The following ANKS1B variants were observed in gnomAD, a reference collection of about 807,000 sequenced individuals.
ANKS1B encodes ankyrin repeat and sterile alpha motif domain containing 1B.
A neutral mutation model predicts 148.3 loss-of-function variants in ANKS1B; 36 were observed. The ratio of observed to expected loss-of-function variants is 0.24; its 90% CI spans 0.19 to 0.32. ANKS1B has a LOEUF of 0.32. Among genes scored for constraint, ANKS1B ranks in the 10% least tolerant of loss-of-function variants. The pLI, the probability that ANKS1B is intolerant of heterozygous loss-of-function variation, is 1.00. For missense variants in ANKS1B, 1,157 were observed against 1,542.6 expected (o/e 0.75, Z 4.19); for synonymous variants, 542 against 560.8 (o/e 0.97, Z 0.47).
chr12:99,050,874 A>G (rs1191605817), intron 17 of ANKS1B, among the ~76,000 whole-genome samples: 1 of 140,026 alleles, frequency 7.1e-6, no homozygotes, highest in Admixed American at 7.0e-5. Context: ...TTTTTTTTGT[A>G]TTTTTCATAG....
At chr12:99,697,028 C>T (rs2054036902) in intron 8 of ANKS1B, among the ~76,000 whole-genome samples, 4 of 152,154 alleles carry the variant, frequency 2.6e-5, no homozygotes, top group Admixed American at 2.6e-4. Flanking sequence ...ACAACAATGA[C>T]ATACCACTAC....
chr12:99,021,946 A>G (rs908348287), intron 17 of ANKS1B, among the ~76,000 whole-genome samples: 10 of 152,112 alleles, frequency 6.6e-5, no homozygotes, highest in Non-Finnish European at 1.3e-4. Context: ...TTATCATTTG[A>G]GTTTTCTCTT....
chr12:99,045,363 C>T (rs1296852336), intron 17 of ANKS1B, among the ~76,000 whole-genome samples: 4 of 152,168 alleles, frequency 2.6e-5, no homozygotes, highest in Admixed American at 6.5e-5. Flanking sequence ...CTTCTTCCCT[C>T]ACAGCCAGCT....
chr12:99,382,052 C>T (rs1354500794), intron 12 of ANKS1B, among the ~76,000 whole-genome samples: 1 of 152,102 alleles, frequency 6.6e-6, no homozygotes, highest in African/African-American at 2.4e-5. Context: ...AAATTATAGG[C>T]AGAATAATGT....
At chr12:99,838,635 A>G (rs1201487106) in intron 1 of ANKS1B, among the ~76,000 whole-genome samples, 3 of 152,154 alleles carry the variant, frequency 2.0e-5, no homozygotes, top group East Asian at 3.8e-4. Context: ...TGTTTACTAA[A>G]TCATTCTATC....
intron 17 of ANKS1B, among the ~76,000 whole-genome samples, chr12:98,911,672 T>G (rs2099787049): frequency 6.6e-6 from 1 of 152,100 alleles, no homozygotes; most frequent in African/African-American, 2.4e-5. Flanking sequence ...ACAGGCAAGG[T>G]CACAAGTCTG....
At chr12:99,160,974 T>A (rs1040347068) in intron 14 of ANKS1B, among the ~76,000 whole-genome samples, 1 of 152,236 alleles carries the variant, frequency 6.6e-6, no homozygotes, top group East Asian at 1.9e-4. Context: ...GGGAATGCGA[T>A]GCCTCTGGCT....
intron 1 of ANKS1B, among the ~76,000 whole-genome samples, chr12:99,942,789 C>T (rs1042767197): frequency 4.6e-5 from 7 of 152,010 alleles, no homozygotes; most frequent in Admixed American, 1.3e-4. Context: ...TATGTCTAAG[C>T]TTCCAGAGGA....
intron 11 of ANKS1B, among the ~76,000 whole-genome samples, chr12:99,410,169 T>G (rs2094645141): frequency 6.6e-6 from 1 of 152,182 alleles, no homozygotes; most frequent in Non-Finnish European, 1.5e-5. Context: ...ACATGAAAAT[T>G]GTATGAAACT....
chr12:98,755,616 G>A (rs61933561), intron 25 of ANKS1B, among the ~76,000 whole-genome samples: 4,436 of 152,320 alleles, frequency 0.029, 119 homozygotes, highest in African/African-American at 0.071. Context: ...TGTGAGAGAT[G>A]TGCCAAGCAT....
intron 2 of ANKS1B, among the ~76,000 whole-genome samples, 200 bp from the exon 3 acceptor site, chr12:99,812,511 CCACACACACACACACACACA>C (rs10539640): frequency 7.1e-5 from 9 of 126,092 alleles, no homozygotes; most frequent in East Asian, 4.8e-4. Flanking sequence ...TCACCCCATG[CCACACACACACACACACACA>C]CACACACACA....
intron 25 of ANKS1B, among the ~76,000 whole-genome samples, chr12:98,771,640 A>AT (rs1420839456): frequency 6.6e-6 from 1 of 151,822 alleles, no homozygotes; most frequent in Non-Finnish European, 1.5e-5. Context: ...CACCCAGCTA[A>AT]TTTTTGTTTG....
chr12:99,490,963 C>T (rs116132164), intron 10 of ANKS1B, among the ~76,000 whole-genome samples: 5,605 of 152,188 alleles, frequency 0.037, 145 homozygotes, highest in South Asian at 0.084. Flanking sequence ...AAACTATTTC[C>T]CAATTAATGT....
chr12:99,376,768 C>A (rs918037646), intron 12 of ANKS1B, among the ~76,000 whole-genome samples: 1 of 152,002 alleles, frequency 6.6e-6, no homozygotes, highest in Non-Finnish European at 1.5e-5. Context: ...TGATGACAGT[C>A]TCATCTCACC....
chr12:99,812,354 A>T, intron 2 of ANKS1B, 43 bp from the exon 3 acceptor site: 1 of 1,586,042 alleles, frequency 6.3e-7, no homozygotes. Context: ...GCTGAGCAAG[A>T]CAAACTGTAT....
intron 12 of ANKS1B, among the ~76,000 whole-genome samples, chr12:99,252,872 T>C (rs1379718840): frequency 6.6e-6 from 1 of 152,124 alleles, no homozygotes; most frequent in African/African-American, 2.4e-5. Context: ...GGGAGAAGAA[T>C]ACAAATTGCA....
rs532556931 is a variant in ANKS1B, at chr12:99,883,243, A to G, written c.135-57854T>C. Among the ~76,000 whole-genome samples, 9 of 152,312 alleles carry G rather than the reference A, an allele frequency of 5.9e-5. No individual in the cohort carries two copies. In the South Asian group the frequency reaches 1.9e-3, roughly 32 times the overall value. On this transcript the variant is annotated intron_variant, in intron 1 of 26. Transcript: ENST00000683438. ...AAACTAGGCCTACAAAAGTATGATC[A>G]ATGGGTTTTTGACGAAGGTACAAAG... is the stretch of plus-strand genomic sequence containing the variant.
chr12:99,540,422 T>C (rs1236602027), intron 9 of ANKS1B, among the ~76,000 whole-genome samples: 1 of 152,138 alleles, frequency 6.6e-6, no homozygotes, highest in African/African-American at 2.4e-5. Context: ...AGACTTGCCA[T>C]AAACAAGTCT....
chr12:99,214,822 G>A (rs1159751814), intron 14 of ANKS1B, among the ~76,000 whole-genome samples: 4 of 152,198 alleles, frequency 2.6e-5, no homozygotes, highest in Non-Finnish European at 5.9e-5. Context: ...GCTTCCTAGA[G>A]ACTTGTTGAA....
Sources: gnomAD v4.1 joint callset for allele counts (sites outside exome capture counted in the v4.1 genomes callset) on GRCh38, gnomAD v4.1.1 for gene constraint, MANE v1.5 for transcripts, NCBI Gene and HGNC (gene_info 2026-07-23, HGNC 2026-07-21) for gene names.